Variants in TMEM230 observed in about 807,000 individuals in gnomAD.
The protein encoded by TMEM230 is UPF0414 transmembrane protein C20orf30.
Under a neutral mutation model 15.8 loss-of-function variants are expected in TMEM230, and 10 were observed. The ratio of observed to expected loss-of-function variants is 0.63; its 90% CI spans 0.39 to 1.07. The LOEUF is 1.07. Among genes scored for constraint, TMEM230 ranks in the 50% least tolerant of loss-of-function variants. TMEM230 has a pLI of 0.01. For missense variants in TMEM230, 165 were observed against 193.3 expected (o/e 0.85, Z 0.87); for synonymous variants, 67 against 76.9 (o/e 0.87, Z 0.68).
intron 3 of TMEM230, among the ~76,000 whole-genome samples, chr20:5,083,420 T>C (rs957015907): frequency 3.9e-5 from 6 of 151,962 alleles, no homozygotes; most frequent in African/African-American, 1.2e-4. Flanking sequence ...TTAATATGCC[T>C]TTTTATTAAA....
At chr20:5,112,744 C>T (rs1411916921) in intron 1 of TMEM230, 43 of 1,451,930 alleles carry the variant, frequency 3.0e-5, no homozygotes, top group Middle Eastern at 1.8e-4. Context: ...TTCTCCTACC[C>T]GTCTTCAGAC....
chr20:5,087,282 G>A lies in TMEM230; in HGVS notation c.223-17933C>T, dbSNP rs1158235024. 3.6e-4 allele frequency among the ~76,000 whole-genome samples: 54 copies of A among 152,068 alleles called. 1 individual carries two copies. The highest frequency in any genetic ancestry group is 3.5e-3 in the Admixed American group (54 of 15,254). On this transcript the variant is annotated intron_variant, in intron 3 of 3. Coordinates refer to the TMEM230 transcript ENST00000612323. ...TGTGTCCAGATTTCAACATGTAGCT[G>A]TTTCCCTCCTAGACAACAACCTTCC...
At chr20:5,108,852 A>T (rs184897606) in intron 3 of TMEM230, among the ~76,000 whole-genome samples, 28 of 152,302 alleles carry the variant, frequency 1.8e-4, no homozygotes. Flanking sequence ...ACCTTTAATA[A>T]ATTGGATCTC....
Position 5,111,607 on chromosome 20 carries a change from TAAA to T in TMEM230, c.69-5_69-3del, listed in dbSNP as rs758119588. ...CTGGGCGACAGAACTAGACTCCATC[TAAA>T]AAAAAAAAAAAAAAAAAAAAAAAAA... On this transcript the variant is annotated splice_region_variant and splice_polypyrimidine_tract_variant and intron_variant, in intron 1 of 4. Coordinates refer to ENST00000342308, the MANE Select transcript of TMEM230 (RefSeq NM_001009923.2). 3.1e-4 allele frequency: 18 copies of T among 58,960 alleles called. No homozygotes were observed. The highest frequency in any genetic ancestry group is 9.1e-4 in the African/African-American group (14 of 15,460). 3.7% of individuals were successfully genotyped at this position (58,960 alleles called of 1,614,324 possible).
At chr20:5,093,960 T>A (rs1314403395) in intron 3 of TMEM230, among the ~76,000 whole-genome samples, 1 of 151,408 alleles carries the variant, frequency 6.6e-6, no homozygotes, top group African/African-American at 2.4e-5. Flanking sequence ...TTTTTTCCCC[T>A]TTTTCCTTTG....
chr20:5,079,230 C>A (rs2089103507), intron 3 of TMEM230, among the ~76,000 whole-genome samples: 1 of 152,186 alleles, frequency 6.6e-6, no homozygotes, highest in Non-Finnish European at 1.5e-5. Flanking sequence ...TTCAAGGAAT[C>A]CTCCTGCCTC....
At chr20:5,101,362 C>T (rs2089854045) in intron 4 of TMEM230, among the ~76,000 whole-genome samples, 1 of 152,184 alleles carries the variant, frequency 6.6e-6, no homozygotes. Context: ...TGTAATTGTA[C>T]AGATACCACT....
chr20:5,068,971 T>A, exon 4 of TMEM230: 1 of 513,514 alleles, frequency 1.9e-6, no homozygotes, highest in South Asian at 2.2e-5. Context: ...TTCTCACCAT[T>A]CACAAGAGGA....
At chr20:5,069,051 C>T in exon 4 of TMEM230, 1 of 774,492 alleles carries the variant, frequency 1.3e-6, no homozygotes, top group Non-Finnish European at 2.0e-6. Flanking sequence ...AACATTCCCT[C>T]CACATATCCT....
At chr20:5,096,616 C>T (rs1227065175), downstream of TMEM230, among the ~76,000 whole-genome samples, 1 of 152,192 alleles carries the variant, frequency 6.6e-6, no homozygotes. Flanking sequence ...ACAGGTAGGT[C>T]ATGAACTGGG....
At chr20:5,083,079 C>A (rs1282782595) in intron 3 of TMEM230, among the ~76,000 whole-genome samples, 1 of 151,904 alleles carries the variant, frequency 6.6e-6, no homozygotes, top group South Asian at 2.1e-4. Flanking sequence ...AGGCGTGCAC[C>A]ACCACAACTG....
chr20:5,082,160 C>G (rs6084989), intron 3 of TMEM230, among the ~76,000 whole-genome samples: 82,301 of 151,164 alleles, frequency 0.54, 22,901 homozygotes, highest in East Asian at 0.84. Flanking sequence ...GTGCTGGGAG[C>G]CACCACGCCC....
At chr20:5,091,473 A>T (rs1334748131) in intron 3 of TMEM230, among the ~76,000 whole-genome samples, 1 of 152,150 alleles carries the variant, frequency 6.6e-6, no homozygotes, top group East Asian at 1.9e-4. Flanking sequence ...GGCCTCCAAA[A>T]GTGCTGGGAT....
chr20:5,108,420 C>CAAAAAAAAAAAAAAAAAAAGAAAAA (rs556966217), intron 3 of TMEM230, among the ~76,000 whole-genome samples: 1 of 79,862 alleles, frequency 1.3e-5, no homozygotes, highest in Non-Finnish European at 2.9e-5. Flanking sequence ...ACTCCGTCTC[C>CAAAAAAAAAAAAAAAAAAAGAAAAA]AAAAAAAAAA....
chr20:5,063,431 G>A (rs148840179), downstream of TMEM230, among the ~76,000 whole-genome samples: 2,479 of 151,856 alleles, frequency 0.016, 82 homozygotes, highest in African/African-American at 0.057. Context: ...GGGATTACAG[G>A]GGTGCACCAC....
chr20:5,090,538 G>A (rs1230223526), intron 3 of TMEM230, among the ~76,000 whole-genome samples: 2 of 152,036 alleles, frequency 1.3e-5, no homozygotes, highest in Non-Finnish European at 2.9e-5. Flanking sequence ...GGAGACTAGG[G>A]GATATATACA....
rs141938258 is a variant in TMEM230, at chr20:5,089,812, G to A, written c.222+16376C>T. On this transcript the variant is annotated intron_variant, in intron 3 of 3. Coordinates refer to the TMEM230 transcript ENST00000612323. The stretch of plus-strand genomic sequence containing the variant: ...GGGAGGACGAGACCTGAGGTCAGGA[G>A]TTCGAGACCAGCCTGGCCAACAGGG... 5.9e-3 allele frequency among the ~76,000 whole-genome samples: 895 copies of A among 152,242 alleles called. 4 individuals are homozygous for A. Among genetic ancestry groups the A allele is most frequent in the Middle Eastern group, 0.01 (3 of 294 alleles).
rs758119588 is a variant in TMEM230, at chr20:5,111,607, T to TAAAAAAAAAAAAAAAAAAAA, written c.69-22_69-3dup. 5.1e-5 allele frequency: 3 copies of TAAAAAAAAAAAAAAAAAAAA among 58,734 alleles called. No homozygotes were observed. Among genetic ancestry groups the TAAAAAAAAAAAAAAAAAAAA allele is most frequent in the African/African-American group, 1.3e-4 (2 of 15,410 alleles). The allele number at this position is 58,734 out of a possible 1,614,324, so 3.6% of individuals were successfully genotyped here. The stretch of plus-strand genomic sequence containing the variant: ...CTGGGCGACAGAACTAGACTCCATC[T>TAAAAAAAAAAAAAAAAAAAA]AAAAAAAAAAAAAAAAAAAAAAAAA... On this transcript the variant is annotated splice_region_variant and splice_polypyrimidine_tract_variant and intron_variant, in intron 1 of 4. Transcript: ENST00000342308.
chr20:5,073,375 G>A (rs1216346742), intron 3 of TMEM230, among the ~76,000 whole-genome samples: 3 of 152,236 alleles, frequency 2.0e-5, no homozygotes, highest in Non-Finnish European at 2.9e-5. Context: ...TGGAGGTTCT[G>A]CATTTTTCCT....
Sources: allele counts gnomAD v4.1 joint callset (sites outside exome capture counted in the v4.1 genomes callset), GRCh38; gene constraint gnomAD v4.1.1; transcripts MANE v1.5; gene names NCBI Gene and HGNC (gene_info 2026-07-23, HGNC 2026-07-21).